Variants in FAF1 observed in about 807,000 individuals in gnomAD.
FAF1 encodes the protein Fas associated factor 1.
A neutral mutation model predicts 92.5 loss-of-function variants in FAF1; 25 were observed. The ratio of observed to expected loss-of-function variants is 0.27; its 90% CI spans 0.20 to 0.38. The LOEUF is 0.38. Ranked by LOEUF, FAF1 falls within the 10% of genes least tolerant of loss-of-function variation. The pLI is 1.00. For missense variants in FAF1, 636 were observed against 793.3 expected, an observed-to-expected ratio of 0.80 and a Z score of 2.38; for synonymous variants, 234 against 273.2, an observed-to-expected ratio of 0.86 and a Z score of 1.42.
chr1:50,804,132 C>T (rs930672423), intron 2 of FAF1, among the ~76,000 whole-genome samples: 2 of 152,126 alleles, frequency 1.3e-5, no homozygotes, highest in African/African-American at 2.4e-5. Flanking sequence ...GTACCAAGCA[C>T]TATGCTAGAC....
chr1:50,695,669 CAG>C (rs1657169371), intron 7 of FAF1, among the ~76,000 whole-genome samples: 2 of 152,064 alleles, frequency 1.3e-5, no homozygotes, highest in Non-Finnish European at 2.9e-5. Flanking sequence ...TTCCCTGAGA[CAG>C]AGTCTCGCTC....
rs759049557 is a variant in FAF1, at chr1:50,475,665, G to T, written c.1668C>A (p.Ser556=). Residue 556 remains serine (S), a synonymous_variant, in exon 18 of 19, where the codon TCC becomes TCA. Transcript: ENST00000396153. ...GCTCAGGAGGCAGGGCTTGCTCTAA[G>T]GACAGCCGGATGGCCTAGGGAGAGC... ...QEEEREAIRL[S]LEQALPPEPK... is the part of the protein sequence containing the mutation. 3.1e-6 allele frequency: 5 copies of T among 1,613,598 alleles called. No individual in the cohort carries two copies. The highest frequency in any genetic ancestry group is 1.3e-5 in the African/African-American group (1 of 74,900).
intron 8 of FAF1, among the ~76,000 whole-genome samples, chr1:50,647,750 C>T (rs1262026484): frequency 2.0e-5 from 3 of 151,952 alleles, no homozygotes; most frequent in Non-Finnish European, 2.9e-5. Flanking sequence ...AGTTATTGTT[C>T]GACAGTTACG....
At chr1:50,454,640 C>A (rs1021019020) in intron 18 of FAF1, among the ~76,000 whole-genome samples, 3 of 152,226 alleles carry the variant, frequency 2.0e-5, no homozygotes, top group Non-Finnish European at 4.4e-5. Context: ...CCAAGGTCTG[C>A]TGGCTGACAT....
chr1:50,518,808 T>A (rs1391929050), intron 15 of FAF1, among the ~76,000 whole-genome samples: 1 of 152,204 alleles, frequency 6.6e-6, no homozygotes, highest in East Asian at 1.9e-4. Flanking sequence ...TGCTGTATCA[T>A]AAGTTAAATC....
chr1:50,903,619 G>A (rs972968823), intron 1 of FAF1, among the ~76,000 whole-genome samples: 1 of 151,878 alleles, frequency 6.6e-6, no homozygotes, highest in African/African-American at 2.4e-5. Flanking sequence ...AATAAATAGA[G>A]GACATCAGGA....
At chr1:50,816,959 T>C (rs1643983127) in intron 2 of FAF1, among the ~76,000 whole-genome samples, 1 of 152,226 alleles carries the variant, frequency 6.6e-6, no homozygotes, top group Non-Finnish European at 1.5e-5. Context: ...TCGTTGCTTA[T>C]TTTTGTTAAC....
chr1:50,881,399 T>G (rs1308818711), intron 1 of FAF1, among the ~76,000 whole-genome samples: 2 of 152,204 alleles, frequency 1.3e-5, no homozygotes, highest in African/African-American at 2.4e-5. Context: ...GTCCTCCTGG[T>G]GAACTCATCC....
chr1:50,556,707 T>C (rs1572831592), intron 13 of FAF1, among the ~76,000 whole-genome samples: 1 of 151,488 alleles, frequency 6.6e-6, no homozygotes, highest in African/African-American at 2.4e-5. Context: ...TGTAGTGGTG[T>C]GCACCTGTAG....
chr1:50,775,832 GA>G (rs1334749619), intron 4 of FAF1, among the ~76,000 whole-genome samples: 3 of 152,190 alleles, frequency 2.0e-5, no homozygotes, highest in African/African-American at 4.8e-5. Flanking sequence ...AGTGAAGTCA[GA>G]AAAAAATTCT....
chr1:50,792,441 G>A (rs897342766), intron 3 of FAF1, among the ~76,000 whole-genome samples: 1 of 152,150 alleles, frequency 6.6e-6, no homozygotes, highest in Non-Finnish European at 1.5e-5. Context: ...CTTCTCCCAT[G>A]ACTGAGAAGG....
rs562887349 is a variant in FAF1 at position 50,603,631 on chromosome 1, C to T, written c.745-7415G>A. Among the ~76,000 whole-genome samples the T allele has an allele frequency of 4.6e-5, 7 of 152,244 alleles. No homozygotes were observed. The South Asian group carries it at 1.5e-3, about 32-fold the overall frequency. On this transcript the variant is annotated intron_variant, in intron 8 of 18. Transcript: ENST00000396153. ...CAATCCGAGGTTTCTTCTGCCCTTCCCCCAGCCATTTTTTTTGTCACTTAT... is the reference window on the plus strand; with the variant it reads ...CAATCCGAGGTTTCTTCTGCCCTTCTCCCAGCCATTTTTTTTGTCACTTAT...
In FAF1 at chr1:50,663,968, TA is replaced by T. The variant is rs1050669977; in HGVS notation, c.658-8441del. On this transcript the variant is annotated intron_variant, in intron 7 of 18. Transcript: ENST00000396153. ...ACTTCATTGCATTCTCAGTTTAATC[TA>T]AATTTCTGCTAATTGAAAATCTGTT... 4.6e-5 allele frequency among the ~76,000 whole-genome samples: 7 copies of T among 151,112 alleles called. 2 individuals carry two copies. The highest frequency in any genetic ancestry group is 1.5e-4 in the African/African-American group (6 of 40,640).
intron 1 of FAF1, among the ~76,000 whole-genome samples, chr1:50,885,312 T>TCACACACACACACACACACACACACACA (rs376434464): frequency 7.3e-6 from 1 of 137,370 alleles, no homozygotes; most frequent in African/African-American, 2.9e-5. Context: ...TCTCTCTCTC[T>TCACACACACACACACACACACACACACA]CACACACACA....
chr1:50,719,872 T>C (rs1658334878), intron 6 of FAF1, among the ~76,000 whole-genome samples: 1 of 152,234 alleles, frequency 6.6e-6, no homozygotes, highest in Admixed American at 6.5e-5. Flanking sequence ...ACTGTATAAA[T>C]GGGTTTGGTA....
At chr1:50,615,543 TCTGA>T (rs1652874793) in intron 8 of FAF1, among the ~76,000 whole-genome samples, 1 of 152,214 alleles carries the variant, frequency 6.6e-6, no homozygotes, top group Non-Finnish European at 1.5e-5. Flanking sequence ...TCTACTGTTT[TCTGA>T]CTTTTTAATA....
At chr1:50,709,603 C>T (rs1240493652) in intron 6 of FAF1, among the ~76,000 whole-genome samples, 1 of 152,088 alleles carries the variant, frequency 6.6e-6, no homozygotes, top group Non-Finnish European at 1.5e-5. Context: ...CTAATTGTCC[C>T]TGGTCATCAA....
chr1:50,494,107 T>G (rs1191553655), intron 15 of FAF1, among the ~76,000 whole-genome samples: 1 of 152,324 alleles, frequency 6.6e-6, no homozygotes, highest in Non-Finnish European at 1.5e-5. Context: ...TTTCCCAAAT[T>G]TATCATGGTC....
chr1:50,901,219 A>G (rs1393444694), intron 1 of FAF1, among the ~76,000 whole-genome samples: 1 of 152,212 alleles, frequency 6.6e-6, no homozygotes, highest in African/African-American at 2.4e-5. Flanking sequence ...CAGGGCTAAG[A>G]TTTATTGTTC....
Sources: gnomAD v4.1 joint callset for allele counts (sites outside exome capture counted in the v4.1 genomes callset) on GRCh38, gnomAD v4.1.1 for gene constraint, MANE v1.5 for transcripts, NCBI Gene and HGNC (gene_info 2026-07-23, HGNC 2026-07-21) for gene names.